Variants in RBM22 observed in about 807,000 individuals in gnomAD.
The protein encoded by RBM22 is pre-mRNA-splicing factor RBM22.
Under a neutral mutation model 50.1 loss-of-function variants are expected in RBM22, and 1 was observed. The ratio of observed to expected loss-of-function variants is 0.02; its 90% confidence interval spans 0.01 to 0.09. The LOEUF is 0.09. Ranked by LOEUF, RBM22 falls within the 10% of genes least tolerant of loss-of-function variation. The pLI is 1.00. For synonymous variants in RBM22, 152 were observed against 179.0 expected (o/e 0.85, Z 1.20); for missense variants, 264 against 529.3 (o/e 0.50, Z 4.92).
chr5:150,695,798 T>C, intron 6 of RBM22, 92 bp from the exon 7 acceptor site: 1 of 1,073,140 alleles, frequency 9.3e-7, no homozygotes, highest in Non-Finnish European at 1.3e-6. Flanking sequence ...AAGTCCTAGA[T>C]ACATATTCTG....
At position 150,696,622 on chromosome 5, in the gene RBM22, C is replaced by T. The variant is rs922084310; in HGVS notation, c.456G>A (p.Arg152=). The T allele has an allele frequency of 6.2e-7, 1 of 1,614,008 alleles. No homozygotes were observed. The highest frequency in any genetic ancestry group is 8.5e-7 in the Non-Finnish European group (1 of 1,180,008). ...STSDMLLKLA[R]TTPYYKRNRP... Reference sequence around the variant, plus strand: ...GATTCCTTTTGTAGTAGGGTGTGGTCCGGGCCAGTTTGAGCAGCATGTCAC... The same window carrying T: ...GATTCCTTTTGTAGTAGGGTGTGGTTCGGGCCAGTTTGAGCAGCATGTCAC... The change falls in exon 6 of 11, where the codon CGG becomes CGA. Residue 152 remains arginine, a synonymous_variant. Coordinates refer to ENST00000199814, the MANE Select transcript of RBM22 (RefSeq NM_018047.3). This position sits in a 1 kb window ranked among gnomAD's most constrained non-coding sequence, Gnocchi z 4.3.
chr5:150,700,851 C>T (rs1426538373), intron 1 of RBM22, 81 bp downstream of exon 1: 1 of 1,613,030 alleles, frequency 6.2e-7, no homozygotes, highest in African/African-American at 1.3e-5. Context: ...CCTTCGGCCG[C>T]GCCGCAGGCC....
Position 150,699,192 on chromosome 5 carries a change from A to G in RBM22, c.138+50T>C, listed in dbSNP as rs778905880. The stretch of plus-strand genomic sequence containing the variant: ...AGTAAGCTGAAGGCTAATTTGGTAG[A>G]GAAAAGAAAAATGAAACAGAAATCA... On this transcript the variant is annotated intron_variant, in intron 3 of 10. Transcript: ENST00000199814. The G allele has an allele frequency of 5.8e-6, 9 of 1,560,710 alleles. No homozygotes were observed. The South Asian group carries it at 8.5e-5, about 15-fold the overall frequency.
chr5:150,700,190 C>T (rs1304475824), intron 2 of RBM22, among the ~76,000 whole-genome samples: 1 of 152,200 alleles, frequency 6.6e-6, no homozygotes, highest in Admixed American at 6.5e-5. Flanking sequence ...CAAACGCTCT[C>T]ACCTTCTGGT....
chr5:150,691,911 G>T, intron 10 of RBM22, 30 bp from the exon 11 acceptor site: 1 of 1,486,786 alleles, frequency 6.7e-7, no homozygotes, highest in South Asian at 1.5e-5. Flanking sequence ...AATGTGTTAG[G>T]CTGGTAGTTT....
intron 4 of RBM22, 107 bp downstream of exon 4, chr5:150,698,392 A>G (rs1233104978): frequency 3.6e-6 from 5 of 1,401,914 alleles, no homozygotes; most frequent in Non-Finnish European, 3.9e-6. Flanking sequence ...CAGACATTCC[A>G]AAGTGAAATC....
intron 3 of RBM22, among the ~76,000 whole-genome samples, chr5:150,698,858 T>G (rs903080483): frequency 6.6e-6 from 1 of 152,196 alleles, no homozygotes; most frequent in Admixed American, 6.5e-5. Context: ...GTTCTTCCCA[T>G]CCTAGAGCTA....
chr5:150,696,715 G>A lies in RBM22; in HGVS notation c.373-10C>T. 3 of 1,614,082 alleles carry A rather than the reference G, an allele frequency of 1.9e-6. No homozygotes were observed. The highest frequency in any genetic ancestry group is 2.5e-6 in the Non-Finnish European group (3 of 1,179,928). On this transcript the variant is annotated splice_polypyrimidine_tract_variant and intron_variant, in intron 5 of 10. Coordinates refer to ENST00000199814, the MANE Select transcript of RBM22 (RefSeq NM_018047.3). The surrounding 1 kb of genome is among the most constrained non-coding windows in gnomAD (Gnocchi z 4.3). ...CATCAGAGTTAGAAATCTAAGTGGGGATGACAAATTCAAAAGATAAATTAT... is the reference window on the plus strand; with the variant it reads ...CATCAGAGTTAGAAATCTAAGTGGGAATGACAAATTCAAAAGATAAATTAT...
At position 150,696,919 on chromosome 5, in the gene RBM22, T is replaced by A; in HGVS notation, c.272-28A>T. The A allele has an allele frequency of 6.3e-7, 1 of 1,596,636 alleles. No homozygotes were observed. The highest frequency in any genetic ancestry group is 1.1e-5 in the South Asian group (1 of 90,634). ...GGTACAAAAAAAGAGGAAAAAGACC[T>A]CAGATGTATTTTAAAACATATCCAT... On this transcript the variant is annotated intron_variant, in intron 4 of 10. Transcript: ENST00000199814. This position sits in a 1 kb window ranked among gnomAD's most constrained non-coding sequence, Gnocchi z 4.3.
chr5:150,699,634 T>TA (rs1033978767), intron 2 of RBM22, among the ~76,000 whole-genome samples: 1 of 152,086 alleles, frequency 6.6e-6, no homozygotes, highest in Admixed American at 6.5e-5. Flanking sequence ...AAAAAAGAAA[T>TA]AGAGTATATG....
At position 150,693,247 on chromosome 5, in the gene RBM22, T is replaced by G; in HGVS notation, c.972A>C (p.Lys324Asn). Reference protein sequence around the residue: ...EKDGTTDSGIKLEPVPGLPGA... With the variant: ...EKDGTTDSGINLEPVPGLPGA... ...CTGGCAATCCTGGAACAGGTTCTAGTTTGATCCCAGAGTCTGTAGTTCCAT... is the reference window on the plus strand; with the variant it reads ...CTGGCAATCCTGGAACAGGTTCTAGGTTGATCCCAGAGTCTGTAGTTCCAT... The change falls in exon 9 of 11, where the codon AAA (lysine) becomes AAC (asparagine). Residue 324 changes from lysine (K) to asparagine (N), a missense_variant. By Grantham distance (94) the Lys-to-Asn change is moderately conservative (BLOSUM62 0). Coordinates refer to ENST00000199814, the MANE Select transcript of RBM22 (RefSeq NM_018047.3). The G allele has an allele frequency of 1.9e-6, 3 of 1,614,068 alleles. No individual in the cohort carries two copies. The highest frequency in any genetic ancestry group is 2.5e-6 in the Non-Finnish European group (3 of 1,179,928).
chr5:150,696,657 T>G lies in RBM22; in HGVS notation c.421A>C (p.Thr141Pro), dbSNP rs1289185881. The G allele has an allele frequency of 3.1e-6, 5 of 1,614,222 alleles. No homozygotes were observed. Among genetic ancestry groups the G allele is most frequent in the Middle Eastern group, 1.6e-4 (1 of 6,062 alleles). The change falls in exon 6 of 11, where the codon ACA becomes CCA. Residue 141 changes from threonine (T) to proline (P), a missense_variant. Physicochemically the swap from Thr to Pro is conservative, Grantham distance 38. Transcript: ENST00000199814. This position sits in a 1 kb window ranked among gnomAD's most constrained non-coding sequence, Gnocchi z 4.3. The part of the protein sequence containing the change: ...TRPVGMLGKA[T>P]STSDMLLKLA... ...TTGAGCAGCATGTCACTGGTAGATG[T>G]GGCTTTCCCCAGCATGCCAACTGGC...
Position 150,691,323 on chromosome 5 carries a change from C to CT in RBM22, c.*427dup, listed in dbSNP as rs892110765. ...CACTACAATGATTAGTACTAGTTAT[C>CT]TTTTTTTAAGATGATAAAAAGGAAA... On this transcript the variant is annotated 3_prime_UTR_variant, in exon 11 of 11. Coordinates refer to ENST00000199814, the MANE Select transcript of RBM22 (RefSeq NM_018047.3). 1 of 152,530 alleles carries CT rather than the reference C, an allele frequency of 6.6e-6. No homozygotes were observed. Among genetic ancestry groups the CT allele is most frequent in the African/African-American group, 2.4e-5 (1 of 41,386 alleles). The allele number at this position is 152,530 out of a possible 1,614,324, so 9.4% of individuals were successfully genotyped here. A position where few individuals can be genotyped will look rare whatever the true frequency, so the allele number is the denominator to read the frequency against.
At chr5:150,695,749 G>A in intron 6 of RBM22, 43 bp from the exon 7 acceptor site, 1 of 1,482,760 alleles carries the variant, frequency 6.7e-7, no homozygotes, top group Non-Finnish European at 9.3e-7. Context: ...TGAAACGAAG[G>A]TGAAAAAATG....
chr5:150,697,875 A>C (rs1759297677), intron 4 of RBM22: 1 of 203,952 alleles, frequency 4.9e-6, no homozygotes, highest in Non-Finnish European at 1.0e-5. Context: ...AATTGAAATA[A>C]AAGTCTAAAG....
chr5:150,700,424 T>C lies in RBM22; in HGVS notation c.108+20A>G, dbSNP rs1264904206. 1 of 1,599,234 alleles carries C rather than the reference T, an allele frequency of 6.3e-7. No homozygotes were observed. Among genetic ancestry groups the C allele is most frequent in the Non-Finnish European group, 8.6e-7 (1 of 1,166,598 alleles). On this transcript the variant is annotated intron_variant, in intron 2 of 10. Coordinates refer to ENST00000199814, the MANE Select transcript of RBM22 (RefSeq NM_018047.3). The stretch of plus-strand genomic sequence containing the variant: ...ACATCGACAGGACATGAATAACTCG[T>C]TTCACACGCGATCACTCACCATTCG...
chr5:150,697,746 A>G, intron 4 of RBM22: 1 of 349,760 alleles, frequency 2.9e-6, no homozygotes, highest in Admixed American at 4.5e-5. Context: ...TTCCTTTAAT[A>G]GTAAAAACTC....
Position 150,695,688 on chromosome 5 carries a change from A to T in RBM22, c.564T>A (p.Asp188Glu). The change falls in exon 7 of 11, where the codon GAT (aspartate) becomes GAA (glutamate). Residue 188 changes from aspartate (D) to glutamate (E), a missense_variant. Asp to Glu is a conservative substitution (Grantham distance 45). Coordinates refer to ENST00000199814, the MANE Select transcript of RBM22 (RefSeq NM_018047.3). Reference protein sequence around the residue: ...ECPYRHEKPTDPDDPLADQNI... With the variant: ...ECPYRHEKPTEPDDPLADQNI... ...TCTGATCAGCAAGGGGGTCATCTGG[A>T]TCTGTAGGCTTCTCATGTCTATGAT... is the stretch of plus-strand genomic sequence containing the variant. The T allele has an allele frequency of 6.2e-7, 1 of 1,610,512 alleles. No homozygotes were observed. Among genetic ancestry groups the T allele is most frequent in the Non-Finnish European group, 8.5e-7 (1 of 1,178,802 alleles).
Position 150,700,431 on chromosome 5 carries a change from C to A in RBM22, c.108+13G>T. On this transcript the variant is annotated intron_variant, in intron 2 of 10. Coordinates refer to ENST00000199814, the MANE Select transcript of RBM22 (RefSeq NM_018047.3). Reference sequence around the variant, plus strand: ...CAGGACATGAATAACTCGTTTCACACGCGATCACTCACCATTCGGATATAT... The same window carrying A: ...CAGGACATGAATAACTCGTTTCACAAGCGATCACTCACCATTCGGATATAT... The A allele has an allele frequency of 6.2e-7, 1 of 1,603,944 alleles. No homozygotes were observed.
Sources: allele counts gnomAD v4.1 joint callset (sites outside exome capture counted in the v4.1 genomes callset), GRCh38; gene constraint gnomAD v4.1.1; non-coding constraint Gnocchi (gnomAD v3.1); transcripts MANE v1.5; gene names NCBI Gene and HGNC (gene_info 2026-07-23, HGNC 2026-07-21).